The following TTC23 variants were observed in gnomAD, a reference collection of about 807,000 sequenced individuals.
TTC23 encodes the protein tetratricopeptide repeat domain 23, also known as tetratricopeptide repeat protein 23.
A neutral mutation model predicts 55.1 loss-of-function variants in TTC23; 58 were observed. The ratio of observed to expected loss-of-function variants is 1.05; its 90% CI spans 0.85 to 1.31. The LOEUF is 1.31. Among genes scored for constraint, TTC23 ranks in the 50% most tolerant of loss-of-function variants. The probability of loss-of-function intolerance (pLI) is 0.00; values close to 1 mark genes in which losing one functional copy is unlikely to be tolerated. For synonymous variants in TTC23, 203 were observed against 199.9 expected (o/e 1.02, Z -0.13); for missense variants, 516 against 534.4 (o/e 0.97, Z 0.34).
chr15:99,226,827 C>T (rs1345410493), intron 5 of TTC23, among the ~76,000 whole-genome samples: 1 of 152,180 alleles, frequency 6.6e-6, no homozygotes, highest in East Asian at 1.9e-4. Context: ...CGGAGCCACT[C>T]TATGTCCTCC....
At chr15:99,212,459 A>G (rs1160538464) in intron 8 of TTC23, among the ~76,000 whole-genome samples, 2 of 152,228 alleles carry the variant, frequency 1.3e-5, no homozygotes, top group African/African-American at 4.8e-5. Context: ...TGTGCACATA[A>G]GAATACATGA....
chr15:99,245,783 A>G (rs1282709417), intron 1 of TTC23, among the ~76,000 whole-genome samples: 1 of 151,970 alleles, frequency 6.6e-6, no homozygotes, highest in Non-Finnish European at 1.5e-5. Flanking sequence ...GTAAAACTAT[A>G]AAACTCTTTG....
chr15:99,152,861 G>A (rs528344319), intron 12 of TTC23, among the ~76,000 whole-genome samples: 32 of 152,266 alleles, frequency 2.1e-4, no homozygotes, highest in Middle Eastern at 3.4e-3. Flanking sequence ...GCAGTGGCAT[G>A]ATCTCAGCTC....
intron 9 of TTC23, 23 bp downstream of exon 9, chr15:99,199,896 G>A (rs781158414): frequency 6.3e-7 from 1 of 1,596,538 alleles, no homozygotes; most frequent in African/African-American, 1.3e-5. Context: ...AACAGCTTTG[G>A]TAGCCAGGAC....
chr15:99,221,205 A>T (rs11633209), intron 6 of TTC23, among the ~76,000 whole-genome samples: 8,995 of 152,300 alleles, frequency 0.059, 295 homozygotes, highest in African/African-American at 0.077. Context: ...CAAGAAAAAC[A>T]GAGCCAAGCA....
chr15:99,139,084 A>C, intron 13 of TTC23: 1 of 597,978 alleles, frequency 1.7e-6, no homozygotes, highest in Non-Finnish European at 3.0e-6. Flanking sequence ...GTCTGCAGGA[A>C]GACAACATCC....
intron 10 of TTC23, among the ~76,000 whole-genome samples, chr15:99,167,173 A>AAC (rs2072234973): frequency 6.6e-6 from 1 of 152,206 alleles, no homozygotes; most frequent in African/African-American, 2.4e-5. Flanking sequence ...GACAAGTGAC[A>AAC]ACAGGATTTC....
chr15:99,216,880 A>G (rs2077513531), intron 8 of TTC23, among the ~76,000 whole-genome samples: 1 of 152,190 alleles, frequency 6.6e-6, no homozygotes. Context: ...CACCCTTGGG[A>G]TATAAACCTC....
chr15:99,188,489 CAAAA>C (rs1317610826), intron 9 of TTC23, among the ~76,000 whole-genome samples: 1 of 151,514 alleles, frequency 6.6e-6, no homozygotes, highest in East Asian at 1.9e-4. Flanking sequence ...CAAATTTTCT[CAAAA>C]AACGCTATGA....
intron 8 of TTC23, among the ~76,000 whole-genome samples, chr15:99,206,919 T>C (rs2076675310): frequency 6.6e-6 from 1 of 152,142 alleles, no homozygotes. Context: ...GGTTTTCTAC[T>C]TTTTGGAGGT....
chr15:99,173,724 G>A (rs1456037137), intron 10 of TTC23, among the ~76,000 whole-genome samples: 1 of 152,190 alleles, frequency 6.6e-6, no homozygotes, highest in Non-Finnish European at 1.5e-5. Flanking sequence ...TTAAGTAGCA[G>A]GTATGGGTTT....
rs782183803 is a variant in TTC23, at chr15:99,139,410, C to A, written c.1144-11G>T. 6.2e-7 allele frequency: 1 copy of A among 1,614,084 alleles called. No individual in the cohort carries two copies. The highest frequency in any genetic ancestry group is 1.1e-5 in the South Asian group (1 of 91,064). On this transcript the variant is annotated splice_polypyrimidine_tract_variant and intron_variant, in intron 12 of 13. Coordinates refer to ENST00000394132, the MANE Select transcript of TTC23 (RefSeq NM_001288615.3). ...CTGGATCTGGAGACACTGTAGAACA[C>A]CAAGCAGCTATCATGAGGCTATGGA...
chr15:99,170,283 G>A (rs887804492), intron 10 of TTC23, among the ~76,000 whole-genome samples: 1 of 152,176 alleles, frequency 6.6e-6, no homozygotes, highest in Non-Finnish European at 1.5e-5. Flanking sequence ...TGAAACACTT[G>A]CTTCTTGGCC....
intron 3 of TTC23, among the ~76,000 whole-genome samples, chr15:99,240,066 G>T (rs1210278526): frequency 6.6e-6 from 1 of 152,086 alleles, no homozygotes; most frequent in Non-Finnish European, 1.5e-5. Context: ...CTGTTGCTTT[G>T]GAAACCTAAG....
At chr15:99,197,384 G>C (rs1343384306) in intron 9 of TTC23, among the ~76,000 whole-genome samples, 1 of 151,712 alleles carries the variant, frequency 6.6e-6, no homozygotes, top group Non-Finnish European at 1.5e-5. Flanking sequence ...TTACAGGTGT[G>C]AGCCACCACG....
intron 8 of TTC23, among the ~76,000 whole-genome samples, chr15:99,210,461 C>T (rs2076957100): frequency 6.6e-6 from 1 of 152,130 alleles, no homozygotes; most frequent in South Asian, 2.1e-4. Context: ...AAGCAATTTC[C>T]TTCTTTGTTA....
Position 99,199,923 on chromosome 15 carries a change from A to T in TTC23, c.755T>A (p.Leu252His). The T allele has an allele frequency of 6.2e-7, 1 of 1,610,620 alleles. No individual in the cohort carries two copies. The highest frequency in any genetic ancestry group is 1.1e-5 in the South Asian group (1 of 90,122). The change falls in exon 9 of 14, where the codon CTC becomes CAC. Residue 252 changes from leucine (L) to histidine (H), a missense_variant. Transcript: ENST00000394132. ...AGCCAGGACCTTGTAGCTTACCTGG[A>T]GGAAGTGGTTGATGGATACATCGTG... is the stretch of plus-strand genomic sequence containing the variant. ...GLHDVSINHF[L>H]QAHLIILSRS...
chr15:99,240,672 T>C (rs1347878453), intron 3 of TTC23, among the ~76,000 whole-genome samples: 1 of 152,222 alleles, frequency 6.6e-6, no homozygotes, highest in Non-Finnish European at 1.5e-5. Flanking sequence ...TTGTGTCTTA[T>C]TGTAGGAAAG....
chr15:99,143,058 G>T (rs1488112380), intron 12 of TTC23, among the ~76,000 whole-genome samples: 1 of 152,166 alleles, frequency 6.6e-6, no homozygotes, highest in East Asian at 1.9e-4. Flanking sequence ...AGATGCAAAG[G>T]GGTGTCAGCT....
Sources: allele counts gnomAD v4.1 joint callset (sites outside exome capture counted in the v4.1 genomes callset), GRCh38; gene constraint gnomAD v4.1.1; transcripts MANE v1.5; gene names NCBI Gene and HGNC (gene_info 2026-07-23, HGNC 2026-07-21).